The following PRUNE2 variants were observed in gnomAD, a reference collection of about 807,000 sequenced individuals.
PRUNE2 encodes protein prune homolog 2.
Under a neutral mutation model 252.0 loss-of-function variants are expected in PRUNE2, and 164 were observed. The ratio of observed to expected loss-of-function variants is 0.65; its 90% confidence interval spans 0.57 to 0.74. The LOEUF (loss-of-function observed/expected upper bound fraction) is 0.74. Ranked by LOEUF, PRUNE2 falls within the 30% of genes least tolerant of loss-of-function variation. PRUNE2 has a pLI of 0.00. For missense variants in PRUNE2, 3,495 were observed against 3,711.0 expected (o/e 0.94, Z 1.51); for synonymous variants, 1,292 against 1,350.2 (o/e 0.96, Z 0.94).
chr9:76,761,490 A>G (rs1159420848), intron 6 of PRUNE2, among the ~76,000 whole-genome samples: 1 of 152,232 alleles, frequency 6.6e-6, no homozygotes, highest in African/African-American at 2.4e-5. Context: ...AGACTTAGTC[A>G]ATTTAATTTG....
intron 6 of PRUNE2, among the ~76,000 whole-genome samples, chr9:76,761,367 C>G (rs145909228): frequency 5.3e-5 from 8 of 152,156 alleles, no homozygotes; most frequent in African/African-American, 1.9e-4. Context: ...GGAACAGTCA[C>G]CTATATTTGT....
At chr9:76,662,522 G>C (rs1438211103) in intron 9 of PRUNE2, among the ~76,000 whole-genome samples, 1 of 152,198 alleles carries the variant, frequency 6.6e-6, no homozygotes, top group African/African-American at 2.4e-5. Flanking sequence ...GGAGGGATTT[G>C]ACTGTTGTTG....
Position 76,905,973 on chromosome 9 carries a change from A to G in PRUNE2, c.-10T>C. 3.1e-6 allele frequency: 5 copies of G among 1,614,076 alleles called. No individual in the cohort carries two copies. The South Asian group carries it at 5.5e-5, about 18-fold the overall frequency. On this transcript the variant is annotated 5_prime_UTR_variant, in exon 1 of 19. Coordinates refer to ENST00000376718, the MANE Select transcript of PRUNE2 (RefSeq NM_015225.3). ...GCAAAAATTCTTCCATGTCGTGGCT[A>G]GGGGTTTGGAACCCGGGTACTCGGA...
At chr9:76,795,962 C>A (rs959893300) in intron 6 of PRUNE2, among the ~76,000 whole-genome samples, 1 of 152,094 alleles carries the variant, frequency 6.6e-6, no homozygotes, top group Non-Finnish European at 1.5e-5. Flanking sequence ...ATAAGACTAC[C>A]GTAAAACAAC....
Position 76,706,175 on chromosome 9 carries a change from A to G in PRUNE2, c.6099T>C (p.Ser2033=), listed in dbSNP as rs1443490799. The change falls in exon 8 of 19, where the codon TCT becomes TCC. Residue 2033 remains serine, a synonymous_variant. Transcript: ENST00000376718. ...CACTTGGGGTAGAGCCATCCCATTC[A>G]GAGCCTGGCTTCATTATCAGTTGGG... ...SPTQLIMKPG[S]EWDGSTPSED... 1.9e-6 allele frequency: 3 copies of G among 1,613,900 alleles called. No individual in the cohort carries two copies. Among genetic ancestry groups the G allele is most frequent in the South Asian group, 2.2e-5 (2 of 91,092 alleles).
intron 6 of PRUNE2, among the ~76,000 whole-genome samples, chr9:76,807,669 A>G (rs889640670): frequency 1.1e-4 from 16 of 152,210 alleles, no homozygotes; most frequent in Non-Finnish European, 2.1e-4. Context: ...AGGAGGGACC[A>G]GTGTGATGTT....
At chr9:76,855,082 A>AAAAAAT (rs1490285240) in intron 1 of PRUNE2, among the ~76,000 whole-genome samples, 21 of 109,406 alleles carry the variant, frequency 1.9e-4, no homozygotes, top group African/African-American at 6.5e-4. Flanking sequence ...AAAAAAAAAA[A>AAAAAAT]ATATATATAT....
At chr9:76,801,759 A>G (rs1364009020) in intron 6 of PRUNE2, among the ~76,000 whole-genome samples, 1 of 152,182 alleles carries the variant, frequency 6.6e-6, no homozygotes, top group Non-Finnish European at 1.5e-5. Flanking sequence ...GAGTAACTTG[A>G]GAAGGAAGTA....
At chr9:76,761,423 T>C (rs2051719191) in intron 6 of PRUNE2, among the ~76,000 whole-genome samples, 1 of 152,226 alleles carries the variant, frequency 6.6e-6, no homozygotes, top group African/African-American at 2.4e-5. Context: ...CGACAAAAAT[T>C]AATCATCTAT....
chr9:76,696,631 G>A (rs890167636), intron 9 of PRUNE2, among the ~76,000 whole-genome samples: 12 of 152,152 alleles, frequency 7.9e-5, no homozygotes, highest in Non-Finnish European at 1.0e-4. Flanking sequence ...TCTCCATGTT[G>A]GCCAGGATGG....
intron 1 of PRUNE2, 94 bp from the exon 2 acceptor site, chr9:76,854,302 A>G: frequency 3.6e-6 from 2 of 553,240 alleles, no homozygotes; most frequent in Non-Finnish European, 3.2e-6. Context: ...CCTTATCCAT[A>G]TTGATACACA....
At chr9:76,860,220 A>T (rs1489435725) in intron 1 of PRUNE2, among the ~76,000 whole-genome samples, 3 of 152,312 alleles carry the variant, frequency 2.0e-5, no homozygotes, top group South Asian at 2.1e-4. Flanking sequence ...TACAATAGTG[A>T]TGTTATCTGT....
chr9:76,746,847 T>C (rs1588988121), intron 6 of PRUNE2, among the ~76,000 whole-genome samples: 1 of 151,900 alleles, frequency 6.6e-6, no homozygotes, highest in Non-Finnish European at 1.5e-5. Flanking sequence ...CCTTCTCACA[T>C]GCCTTGCCCT....
At chr9:76,880,840 G>A (rs181476444) in intron 1 of PRUNE2, among the ~76,000 whole-genome samples, 13 of 151,634 alleles carry the variant, frequency 8.6e-5, no homozygotes, top group Admixed American at 7.2e-4. Flanking sequence ...CATGAAACAT[G>A]TTTATGTTAT....
intron 4 of PRUNE2, among the ~76,000 whole-genome samples, chr9:76,827,167 T>A (rs1040588120): frequency 6.6e-6 from 1 of 152,224 alleles, no homozygotes; most frequent in Non-Finnish European, 1.5e-5. Flanking sequence ...TTATTAATTT[T>A]ACATACAAAC....
chr9:76,801,708 A>T (rs1467509966), intron 6 of PRUNE2, among the ~76,000 whole-genome samples: 1 of 152,214 alleles, frequency 6.6e-6, no homozygotes, highest in Admixed American at 6.5e-5. Context: ...CATATAATAC[A>T]GAGCATTCTC....
At chr9:76,837,218 C>A (rs1019975658) in intron 4 of PRUNE2, among the ~76,000 whole-genome samples, 1 of 151,946 alleles carries the variant, frequency 6.6e-6, no homozygotes, top group African/African-American at 2.4e-5. Flanking sequence ...CCAAGGCGGG[C>A]GGATCACAAG....
intron 9 of PRUNE2, among the ~76,000 whole-genome samples, chr9:76,682,245 T>G (rs2043529360): frequency 6.6e-6 from 1 of 151,702 alleles, no homozygotes; most frequent in Non-Finnish European, 1.5e-5. Context: ...TATAAAAACA[T>G]AGTTTACTTA....
intron 9 of PRUNE2, among the ~76,000 whole-genome samples, chr9:76,657,154 C>T (rs1849558463): frequency 6.6e-6 from 1 of 152,200 alleles, no homozygotes; most frequent in Admixed American, 6.5e-5. Flanking sequence ...TGATCTTTGT[C>T]ATTTTGTGTG....
Sources: allele counts gnomAD v4.1 joint callset (sites outside exome capture counted in the v4.1 genomes callset), GRCh38; gene constraint gnomAD v4.1.1; transcripts MANE v1.5; gene names NCBI Gene and HGNC (gene_info 2026-07-23, HGNC 2026-07-21).